RPP30: variants seen among roughly 807,000 people sequenced by gnomAD.
The protein encoded by RPP30 is ribonuclease P protein subunit p30.
A neutral mutation model predicts 38.6 loss-of-function variants in RPP30; 36 were observed. The ratio of observed to expected loss-of-function variants is 0.93; its 90% CI spans 0.71 to 1.23. RPP30 has a LOEUF of 1.23. RPP30 is among the 50% of genes most tolerant of loss of function. The pLI, the probability that RPP30 is intolerant of heterozygous loss-of-function variation, is 0.00. For synonymous variants in RPP30, 126 were observed against 112.7 expected (o/e 1.12, Z -0.75); for missense variants, 321 against 321.7 (o/e 1.00, Z 0.02).
At chr10:90,903,768 A>C (rs894970816), downstream of RPP30, among the ~76,000 whole-genome samples, 3 of 152,334 alleles carry the variant, frequency 2.0e-5, no homozygotes, top group East Asian at 5.8e-4. Context: ...ATACACAAAA[A>C]CCAGATTTTG....
rs936997348 is a variant in RPP30 at position 90,901,525 on chromosome 10, A to G, written c.*846A>G. 2.0e-6 allele frequency: 2 copies of G among 985,236 alleles called. No individual in the cohort carries two copies. The highest frequency in any genetic ancestry group is 6.1e-5 in the Admixed American group (1 of 16,276). The allele number at this position is 985,236 out of a possible 1,614,324, so 61.0% of individuals were successfully genotyped here. The stretch of plus-strand genomic sequence containing the variant: ...TTCCTTCACTGCTTCATGCCTACGT[A>G]AGGTCTTTGAAATAGGATTCCTTAC... On this transcript the variant is annotated 3_prime_UTR_variant, in exon 11 of 11. Coordinates refer to ENST00000371703, the MANE Select transcript of RPP30 (RefSeq NM_006413.5).
At chr10:90,900,448 C>A in intron 10 of RPP30, 122 bp from the exon 11 acceptor site, 1 of 884,588 alleles carries the variant, frequency 1.1e-6, no homozygotes, top group African/African-American at 1.7e-5. Flanking sequence ...GCACTAGCAG[C>A]CATAGCAGTT....
Position 90,901,447 on chromosome 10 carries a change from T to G in RPP30, c.*768T>G. On this transcript the variant is annotated 3_prime_UTR_variant, in exon 11 of 11. Transcript: ENST00000371703. ...TCAGCATTTTTTTCTAAGAAATTGC[T>G]ATAGAATTTGTGGAAGGAGAGAGGA... is the stretch of plus-strand genomic sequence containing the variant. 4 of 985,218 alleles carry G rather than the reference T, an allele frequency of 4.1e-6. No homozygotes were observed. The South Asian group carries it at 1.4e-4, about 35-fold the overall frequency. 61.0% of individuals were successfully genotyped at this position (985,218 alleles called of 1,614,324 possible).
rs1847211539 is a variant in RPP30 at position 90,902,166 on chromosome 10, T to C, written c.*1487T>C. 2 of 941,868 alleles carry C rather than the reference T, an allele frequency of 2.1e-6. No homozygotes were observed. Among genetic ancestry groups the C allele is most frequent in the South Asian group, 8.5e-5 (2 of 23,598 alleles). The allele number at this position is 941,868 out of a possible 1,614,324, so 58.3% of individuals were successfully genotyped here. ...AATGAATACAAATGTTTAAATAAAA[T>C]ATTGATTAAAAAAACATTAAAAGTG... On this transcript the variant is annotated 3_prime_UTR_variant, in exon 11 of 11. Transcript: ENST00000371703.
chr10:90,872,099 C>G, intron 1 of RPP30, 31 bp downstream of exon 1: 1 of 1,569,052 alleles, frequency 6.4e-7, no homozygotes, highest in Non-Finnish European at 8.8e-7. Flanking sequence ...GCCTGGCCAA[C>G]CTCATGCCAC....
chr10:90,878,993 C>G, intron 4 of RPP30, 70 bp from the exon 5 acceptor site: 3 of 1,259,572 alleles, frequency 2.4e-6, no homozygotes, highest in Non-Finnish European at 3.5e-6. Flanking sequence ...AAGTGTGAGT[C>G]AATCACTAGA....
downstream of RPP30, among the ~76,000 whole-genome samples, chr10:90,907,987 C>T (rs1205651386): frequency 3.3e-5 from 5 of 152,214 alleles, no homozygotes; most frequent in Non-Finnish European, 7.4e-5. Flanking sequence ...ATGAGCAATA[C>T]AGCCTATTGC....
At chr10:90,887,678 C>A (rs935223153) in intron 6 of RPP30, among the ~76,000 whole-genome samples, 2 of 152,184 alleles carry the variant, frequency 1.3e-5, no homozygotes, top group East Asian at 1.9e-4. Flanking sequence ...AGCCACCACA[C>A]CCGGCCTAGG....
At chr10:90,886,518 A>G (rs1847001547) in intron 6 of RPP30, among the ~76,000 whole-genome samples, 1 of 152,128 alleles carries the variant, frequency 6.6e-6, no homozygotes, top group Admixed American at 6.5e-5. Context: ...CTATCTGTCC[A>G]TTCCTTCTTC....
At chr10:90,893,724 A>G (rs1050446197) in intron 6 of RPP30, among the ~76,000 whole-genome samples, 2 of 152,124 alleles carry the variant, frequency 1.3e-5, no homozygotes, top group Non-Finnish European at 2.9e-5. Flanking sequence ...TAACTGCTTA[A>G]TTTCTTCCTC....
At chr10:90,902,534 C>G (rs150147803), downstream of RPP30, among the ~76,000 whole-genome samples, 2,033 of 152,186 alleles carry the variant, frequency 0.013, 34 homozygotes, top group Non-Finnish European at 0.017. Context: ...CCTTCCAGTT[C>G]TTTTTAATGC....
chr10:90,908,321 G>T (rs1429543057), exon 5 of RPP30: 1 of 152,044 alleles, frequency 6.6e-6, no homozygotes, highest in African/African-American at 2.4e-5. Context: ...CTTACCACAG[G>T]TCTTAGGACC....
rs762062686 is a variant in RPP30 at position 90,894,876 on chromosome 10, A to C, written c.534A>C (p.Gln178His). 1.9e-6 allele frequency: 3 copies of C among 1,607,398 alleles called. No individual in the cohort carries two copies. Among genetic ancestry groups the C allele is most frequent in the Admixed American group, 3.3e-5 (2 of 59,988 alleles). ...YTISSALNLM[Q>H]ICKGKNVIIS... ...TTTCCAGTGCCCTCAATTTGATGCA[A>C]ATCTGCAAAGGAAAGGTATGGTTCT... The change falls in exon 7 of 11, where the codon CAA (glutamine) becomes CAC (histidine). Residue 178 changes from glutamine (Q) to histidine (H), a missense_variant. Gln to His is a conservative substitution (Grantham distance 24). Coordinates refer to ENST00000371703, the MANE Select transcript of RPP30 (RefSeq NM_006413.5).
intron 2 of RPP30, 126 bp from the exon 3 acceptor site, chr10:90,875,432 A>G: frequency 5.5e-6 from 4 of 731,694 alleles, no homozygotes; most frequent in East Asian, 2.6e-5. Context: ...TTTGAATACC[A>G]GAAATCACCT....
Position 90,899,948 on chromosome 10 carries a change from TGCC to T in RPP30, c.698-621_698-619del, listed in dbSNP as rs1232313474. Among the ~76,000 whole-genome samples the T allele has an allele frequency of 2.2e-3, 336 of 152,274 alleles. 1 individual carries two copies. The highest frequency in any genetic ancestry group is 0.01 in the Middle Eastern group (3 of 294). On this transcript the variant is annotated intron_variant, in intron 10 of 10. Coordinates refer to ENST00000371703, the MANE Select transcript of RPP30 (RefSeq NM_006413.5). ...TGGTTAAATTTAAGTTGAACTCTGC[TGCC>T]AGCCTAATCTAAGCATTTAATAATT...
intron 4 of RPP30, among the ~76,000 whole-genome samples, chr10:90,878,787 C>G (rs947441741): frequency 6.6e-6 from 1 of 152,162 alleles, no homozygotes; most frequent in Non-Finnish European, 1.5e-5. Flanking sequence ...GCCATCATAC[C>G]TAGCCTAATT....
At chr10:90,878,924 C>T (rs1239271227) in intron 4 of RPP30, 139 bp from the exon 5 acceptor site, 5 of 640,080 alleles carry the variant, frequency 7.8e-6, no homozygotes, top group African/African-American at 4.0e-5. Flanking sequence ...TCTTTTCTGC[C>T]AACATACAAA....
intron 6 of RPP30, among the ~76,000 whole-genome samples, chr10:90,891,917 T>G (rs1389003717): frequency 6.6e-6 from 1 of 152,212 alleles, no homozygotes; most frequent in Non-Finnish European, 1.5e-5. Flanking sequence ...TCTTAAACAC[T>G]GAAAGGGTTT....
intron 6 of RPP30, among the ~76,000 whole-genome samples, chr10:90,889,412 C>T (rs1315694173): frequency 6.8e-6 from 1 of 147,900 alleles, no homozygotes; most frequent in African/African-American, 2.5e-5. Context: ...TCAGTTCAAG[C>T]AATTCTCCTG....
Sources: allele counts gnomAD v4.1 joint callset (sites outside exome capture counted in the v4.1 genomes callset), GRCh38; gene constraint gnomAD v4.1.1; transcripts MANE v1.5; gene names NCBI Gene and HGNC (gene_info 2026-07-23, HGNC 2026-07-21).